The following ZNF383 variants were observed in gnomAD, a reference collection of about 807,000 sequenced individuals.
ZNF383 encodes zinc finger protein 383.
A neutral mutation model predicts 44.2 loss-of-function variants in ZNF383; 32 were observed. The ratio of observed to expected loss-of-function variants is 0.72; its 90% CI spans 0.55 to 0.97. ZNF383 has a LOEUF of 0.97. Among genes scored for constraint, ZNF383 ranks in the 50% least tolerant of loss-of-function variants. The pLI is 0.00. For synonymous variants in ZNF383, 155 were observed against 186.2 expected (o/e 0.83, Z 1.36); for missense variants, 487 against 562.5 (o/e 0.87, Z 1.36).
rs1974168548 is a variant in ZNF383, at chr19:37,242,552, G to C, written c.316G>C (p.Gly106Arg). 6.2e-7 allele frequency: 1 copy of C among 1,613,948 alleles called. No homozygotes were observed. The highest frequency in any genetic ancestry group is 2.2e-5 in the East Asian group (1 of 44,852). The change falls in exon 6 of 6, where the codon GGA becomes CGA. Residue 106 changes from glycine to arginine, a missense_variant. Gly to Arg is a moderately radical substitution (Grantham distance 125). Coordinates refer to ENST00000684119, the MANE Select transcript of ZNF383 (RefSeq NM_001387601.1). The part of the protein sequence containing the change: ...EIELCQREIM[G>R]LTKHGLEYSS... ...AGAATTATGCCAGAGGGAGATAATGGGACTTACAAAGCATGGCCTTGAGTA... is the reference window on the plus strand; with the variant it reads ...AGAATTATGCCAGAGGGAGATAATGCGACTTACAAAGCATGGCCTTGAGTA...
At chr19:37,227,218 G>A (rs1173418057) in intron 2 of ZNF383, among the ~76,000 whole-genome samples, 1 of 146,430 alleles carries the variant, frequency 6.8e-6, no homozygotes, top group Non-Finnish European at 1.5e-5. Flanking sequence ...AGGTTCAAAC[G>A]ATTATCCTGC....
intron 2 of ZNF383, among the ~76,000 whole-genome samples, chr19:37,225,607 ATT>A (rs1471657753): frequency 6.6e-6 from 1 of 152,006 alleles, no homozygotes; most frequent in African/African-American, 2.4e-5. Flanking sequence ...TTATAATAGT[ATT>A]TGTCTTTTTG....
intron 2 of ZNF383, among the ~76,000 whole-genome samples, chr19:37,229,784 GTGTATATA>G (rs1973385345): frequency 8.7e-6 from 1 of 114,540 alleles, no homozygotes; most frequent in South Asian, 2.9e-4. Flanking sequence ...ATATATGTGT[GTGTATATA>G]TATATATATA....
chr19:37,231,352 C>T (rs1046407445), intron 3 of ZNF383, among the ~76,000 whole-genome samples: 2 of 151,978 alleles, frequency 1.3e-5, no homozygotes, highest in African/African-American at 4.8e-5. Context: ...GGTGAAACCC[C>T]ATCTCTACTA....
intron 2 of ZNF383, among the ~76,000 whole-genome samples, chr19:37,229,740 G>A (rs1973378620): frequency 7.0e-6 from 1 of 143,472 alleles, no homozygotes; most frequent in Non-Finnish European, 1.5e-5. Flanking sequence ...ATATATGTGT[G>A]TGTATATATG....
At chr19:37,230,317 A>T (rs141688894) in intron 2 of ZNF383, 92 bp from the exon 3 acceptor site, 2 of 804,806 alleles carry the variant, frequency 2.5e-6, no homozygotes, top group Non-Finnish European at 4.1e-6. Context: ...AAGACCAAGA[A>T]ATATGGAGGT....
Position 37,244,815 on chromosome 19 carries a change from T to C in ZNF383, c.*1151T>C, listed in dbSNP as rs574337692. ...CAATTTGGTAGAGAAAATCGTGCTA[T>C]ACTTTGCTTTTTTAAGAAAGTGTAA... is the stretch of plus-strand genomic sequence containing the variant. On this transcript the variant is annotated 3_prime_UTR_variant, in exon 6 of 6. Coordinates refer to ENST00000684119, the MANE Select transcript of ZNF383 (RefSeq NM_001387601.1). The C allele has an allele frequency of 6.6e-6, 1 of 152,370 alleles. No individual in the cohort carries two copies. The highest frequency in any genetic ancestry group is 2.1e-4 in the South Asian group (1 of 4,830). The allele number at this position is 152,370 out of a possible 1,614,324, so 9.4% of individuals were successfully genotyped here. A position where few individuals can be genotyped will look rare whatever the true frequency, so the allele number is the denominator to read the frequency against.
chr19:37,220,816 G>GT (rs763616048), intron 1 of ZNF383, among the ~76,000 whole-genome samples: 1 of 151,978 alleles, frequency 6.6e-6, no homozygotes, highest in African/African-American at 2.4e-5. Context: ...GTTTTGTTTT[G>GT]TTTTTTACCA....
rs1026451277 is a variant in ZNF383, at chr19:37,246,094, T to C, written c.*2430T>C. ...ATAGGTGTGAGCCACCGCCCCTGGC[T>C]GTTAGTGGTATTTTAAAAAATTATG... On this transcript the variant is annotated 3_prime_UTR_variant, in exon 6 of 6. Coordinates refer to ENST00000684119, the MANE Select transcript of ZNF383 (RefSeq NM_001387601.1). 3 of 152,210 alleles carry C rather than the reference T, an allele frequency of 2.0e-5. No homozygotes were observed. The highest frequency in any genetic ancestry group is 7.2e-5 in the African/African-American group (3 of 41,450). The allele number at this position is 152,210 out of a possible 1,614,324, so 9.4% of individuals were successfully genotyped here.
At position 37,242,994 on chromosome 19, in the gene ZNF383, C is replaced by T. The variant is rs1304309403; in HGVS notation, c.758C>T (p.Pro253Leu). The T allele has an allele frequency of 6.2e-7, 1 of 1,614,098 alleles. No individual in the cohort carries two copies. The highest frequency in any genetic ancestry group is 1.7e-5 in the Admixed American group (1 of 60,008). ...QHQRIHTGKK[P>L]YECKECGKAF... ...CAGAGAATCCATACCGGTAAGAAACCCTATGAATGTAAGGAATGTGGGAAG... is the reference window on the plus strand; with the variant it reads ...CAGAGAATCCATACCGGTAAGAAACTCTATGAATGTAAGGAATGTGGGAAG... The change falls in exon 6 of 6, where the codon CCC becomes CTC. Residue 253 changes from proline (P) to leucine (L), a missense_variant. Pro to Leu is a moderately conservative substitution (Grantham distance 98). Transcript: ENST00000684119.
chr19:37,220,500 G>A (rs982982922), intron 1 of ZNF383, among the ~76,000 whole-genome samples: 2 of 151,606 alleles, frequency 1.3e-5, no homozygotes, highest in African/African-American at 4.9e-5. Flanking sequence ...CTGACCTCAG[G>A]TGAGGCCTCC....
chr19:37,230,546 CA>C, intron 3 of ZNF383, 84 bp downstream of exon 3: 1 of 1,488,838 alleles, frequency 6.7e-7, no homozygotes, highest in Admixed American at 1.8e-5. Flanking sequence ...CTTATCCTGA[CA>C]TTTCTGGCTA....
intron 2 of ZNF383, chr19:37,226,370 A>G (rs1403501711): frequency 6.6e-6 from 1 of 152,162 alleles, no homozygotes. Context: ...TCTATAGTTT[A>G]CATTAGGGTT....
At chr19:37,228,007 A>T (rs1784093158) in intron 2 of ZNF383, among the ~76,000 whole-genome samples, 1 of 152,216 alleles carries the variant, frequency 6.6e-6, no homozygotes, top group Non-Finnish European at 1.5e-5. Flanking sequence ...AGGCCTCTGG[A>T]TGGCTGTGGG....
At chr19:37,227,982 G>A (rs1420094496) in intron 2 of ZNF383, among the ~76,000 whole-genome samples, 1 of 152,352 alleles carries the variant, frequency 6.6e-6, no homozygotes, top group Admixed American at 6.5e-5. Flanking sequence ...CTGAAGCACA[G>A]CATCACAGGA....
chr19:37,232,773 A>AAAGCCAAC (rs1973561207), intron 3 of ZNF383, among the ~76,000 whole-genome samples: 2 of 152,220 alleles, frequency 1.3e-5, no homozygotes, highest in African/African-American at 4.8e-5. Flanking sequence ...TTTCCAAATA[A>AAAGCCAAC]TGAGTTGGCT....
chr19:37,235,986 C>T lies in ZNF383; in HGVS notation c.144C>T (p.Tyr48=). The change falls in exon 5 of 6, where the codon TAC becomes TAT. Residue 48 remains tyrosine, a synonymous_variant. Transcript: ENST00000684119. Reference sequence around the variant, plus strand: ...ATCTTTTCTCGTGAGCAGGACTTTACACTCCTAAGCCTCAAGTGATCTCCT... The same window carrying T: ...ATCTTTTCTCGTGAGCAGGACTTTATACTCCTAAGCCTCAAGTGATCTCCT... ...NYGNLVSMGL[Y]TPKPQVISLL... is the part of the protein sequence containing the mutation. 1 of 1,612,392 alleles carries T rather than the reference C, an allele frequency of 6.2e-7. No individual in the cohort carries two copies.
At chr19:37,241,059 G>A (rs919894426) in intron 5 of ZNF383, among the ~76,000 whole-genome samples, 4 of 152,200 alleles carry the variant, frequency 2.6e-5, no homozygotes, top group Admixed American at 6.5e-5. Flanking sequence ...TGCCCGCCTC[G>A]TCCTCCCAAA....
Position 37,243,243 on chromosome 19 carries a change from A to C in ZNF383, c.1007A>C (p.Lys336Thr), listed in dbSNP as rs1181135121. 1 of 1,614,090 alleles carries C rather than the reference A, an allele frequency of 6.2e-7. No individual in the cohort carries two copies. The highest frequency in any genetic ancestry group is 1.3e-5 in the African/African-American group (1 of 75,046). ...VQHQRIHTGE[K>T]PYECKECGKA... ...CATCAGAGAATTCATACTGGTGAGA[A>C]ACCCTATGAGTGCAAGGAATGTGGC... is the stretch of plus-strand genomic sequence containing the variant. Residue 336 changes from lysine to threonine, a missense_variant, in exon 6 of 6, where the codon AAA (lysine) becomes ACA (threonine). Physicochemically the swap from Lys to Thr is moderately conservative, Grantham distance 78. Transcript: ENST00000684119.
Sources: gnomAD v4.1 joint callset for allele counts (sites outside exome capture counted in the v4.1 genomes callset) on GRCh38, gnomAD v4.1.1 for gene constraint, MANE v1.5 for transcripts, NCBI Gene and HGNC (gene_info 2026-07-23, HGNC 2026-07-21) for gene names.